MAPK10: variants seen among roughly 807,000 people sequenced by gnomAD.
MAPK10 encodes JNK3 alpha protein kinase.
In MAPK10, 25 loss-of-function variants were observed where a neutral mutation model predicts 59.3. The observed-to-expected ratio is 0.42, with a 90% CI of 0.31 to 0.59. The LOEUF is 0.59. Ranked by LOEUF, MAPK10 falls within the 20% of genes least tolerant of loss-of-function variation. MAPK10 has a pLI of 0.15. For missense variants in MAPK10, 351 were observed against 568.9 expected (o/e 0.62, Z 3.90); for synonymous variants, 190 against 200.5 (o/e 0.95, Z 0.44).
At chr4:86,103,909 C>G (rs2056048519) in intron 5 of MAPK10, among the ~76,000 whole-genome samples, 7 of 151,880 alleles carry the variant, frequency 4.6e-5, no homozygotes, top group Admixed American at 4.6e-4. Flanking sequence ...TTTGTAAAAA[C>G]CCCTTGTCAC....
At chr4:86,223,245 T>C (rs1231037336) in intron 2 of MAPK10, among the ~76,000 whole-genome samples, 2 of 152,214 alleles carry the variant, frequency 1.3e-5, no homozygotes, top group Non-Finnish European at 2.9e-5. Flanking sequence ...CTCTAGAATC[T>C]GCCCAAATTT....
intron 10 of MAPK10, among the ~76,000 whole-genome samples, chr4:86,065,898 T>G (rs535869546): frequency 6.6e-6 from 1 of 152,282 alleles, no homozygotes; most frequent in South Asian, 2.1e-4. Context: ...TTTTTCAGAT[T>G]AAAACAACTT....
chr4:86,475,364 A>G (rs1420353144), intron 1 of MAPK10, among the ~76,000 whole-genome samples: 1 of 152,078 alleles, frequency 6.6e-6, no homozygotes. Context: ...CATCACACCA[A>G]TTTTAAATCC....
chr4:86,347,768 TA>T (rs1293298668), intron 2 of MAPK10, among the ~76,000 whole-genome samples: 4 of 152,088 alleles, frequency 2.6e-5, no homozygotes, highest in African/African-American at 9.7e-5. Flanking sequence ...GTCTCTTTCA[TA>T]AGGACACTAA....
chr4:86,071,823 T>C (rs1400935948), intron 9 of MAPK10, among the ~76,000 whole-genome samples: 1 of 149,614 alleles, frequency 6.7e-6, no homozygotes, highest in Non-Finnish European at 1.5e-5. Context: ...AGTCAGGTAG[T>C]GTGATTCCTC....
At chr4:86,152,813 A>C (rs2066812741) in intron 4 of MAPK10, among the ~76,000 whole-genome samples, 2 of 152,214 alleles carry the variant, frequency 1.3e-5, no homozygotes, top group African/African-American at 4.8e-5. Flanking sequence ...CTACAGATGG[A>C]ATGCACAGGT....
At chr4:86,251,729 T>G (rs1303094946) in intron 2 of MAPK10, among the ~76,000 whole-genome samples, 2 of 129,060 alleles carry the variant, frequency 1.5e-5, no homozygotes, top group Non-Finnish European at 3.1e-5. Context: ...TTTCTAGTTC[T>G]AGATCCCTGA....
intron 13 of MAPK10, chr4:86,026,439 T>C (rs1230646166): frequency 6.6e-6 from 1 of 152,218 alleles, no homozygotes; most frequent in Non-Finnish European, 1.5e-5. Flanking sequence ...CAGAAGGGAA[T>C]ACAATTATTT....
At chr4:86,178,295 C>G (rs926160587) in intron 3 of MAPK10, among the ~76,000 whole-genome samples, 1 of 151,850 alleles carries the variant, frequency 6.6e-6, no homozygotes, top group African/African-American at 2.4e-5. Flanking sequence ...TTTTCACACA[C>G]AGTAAGTATT....
intron 3 of MAPK10, chr4:86,194,119 C>G (rs542369404): frequency 1.3e-5 from 7 of 521,168 alleles, no homozygotes; most frequent in Non-Finnish European, 2.4e-5. Context: ...AGGTACCTCA[C>G]GTGGAAATGC....
chr4:86,329,206 T>C (rs945421871), intron 2 of MAPK10, among the ~76,000 whole-genome samples: 10 of 152,158 alleles, frequency 6.6e-5, no homozygotes, highest in African/African-American at 2.4e-4. Context: ...GTCTGTGGTA[T>C]TCTGTTATAG....
chr4:86,277,363 C>T lies in MAPK10; in HGVS notation c.-7+77167G>A, dbSNP rs1324693816. ...AAAGGAAATAAGGGTTTATAGACATCATCTGTGGCATATCCTGGGAAAGAA... is the reference window on the plus strand; with the variant it reads ...AAAGGAAATAAGGGTTTATAGACATTATCTGTGGCATATCCTGGGAAAGAA... On this transcript the variant is annotated intron_variant, in intron 2 of 13. Coordinates refer to ENST00000641462, the MANE Select transcript of MAPK10 (RefSeq NM_138982.4). The T allele has an allele frequency of 2.0e-5, 3 of 152,266 alleles. No homozygotes were observed. In the East Asian group the frequency reaches 5.8e-4, roughly 29 times the overall value. 9.4% of individuals were successfully genotyped at this position (152,266 alleles called of 1,614,324 possible).
Position 86,525,799 on chromosome 4 carries a change from C to T in MAPK10, c.-263+68111G>A, listed in dbSNP as rs57370943. On this transcript the variant is annotated intron_variant, in intron 1 of 4. Transcript: ENST00000502302. ...AACAAAATATAGGGAATAAGCAAAA[C>T]GTAAGACAATATAGGAATAGCTGTT... Among the ~76,000 whole-genome samples, 305 of 152,212 alleles carry T rather than the reference C, an allele frequency of 2.0e-3. 1 individual carries two copies. The highest frequency in any genetic ancestry group is 6.9e-3 in the African/African-American group (287 of 41,524).
chr4:86,555,647 T>C (rs1426229901), intron 1 of MAPK10, among the ~76,000 whole-genome samples: 2 of 152,244 alleles, frequency 1.3e-5, no homozygotes, highest in Non-Finnish European at 2.9e-5. Flanking sequence ...TTGTATAGTA[T>C]ACACATTTTA....
At chr4:86,455,227 C>CA (rs374501313), upstream of MAPK10, among the ~76,000 whole-genome samples, 1,658 of 151,432 alleles carry the variant, frequency 0.011, 45 homozygotes, top group African/African-American at 0.037. Flanking sequence ...ACAACAACAA[C>CA]AAAAAAAACA....
intron 2 of MAPK10, among the ~76,000 whole-genome samples, chr4:86,249,028 C>T (rs2093274419): frequency 6.6e-6 from 1 of 152,202 alleles, no homozygotes; most frequent in African/African-American, 2.4e-5. Flanking sequence ...AATCAGCAAA[C>T]CAAAATAATA....
intron 2 of MAPK10, among the ~76,000 whole-genome samples, chr4:86,221,044 T>A (rs919975797): frequency 6.6e-6 from 1 of 152,160 alleles, no homozygotes; most frequent in African/African-American, 2.4e-5. Context: ...CTTAGGCTAG[T>A]CCACTGAGCT....
intron 1 of MAPK10, among the ~76,000 whole-genome samples, chr4:86,374,956 A>C (rs1739540557): frequency 6.6e-6 from 1 of 152,224 alleles, no homozygotes; most frequent in South Asian, 2.1e-4. Context: ...CCAGTTAACA[A>C]ATATTCATTG....
intron 2 of MAPK10, among the ~76,000 whole-genome samples, chr4:86,338,739 A>T (rs1035481437): frequency 3.3e-5 from 5 of 152,024 alleles, no homozygotes; most frequent in Non-Finnish European, 5.9e-5. Flanking sequence ...ACTGAAAAGT[A>T]CTCCCAGGGC....
Sources: allele counts gnomAD v4.1 joint callset (sites outside exome capture counted in the v4.1 genomes callset), GRCh38; gene constraint gnomAD v4.1.1; transcripts MANE v1.5; gene names NCBI Gene and HGNC (gene_info 2026-07-23, HGNC 2026-07-21).